The following GABRA5 variants were observed in gnomAD, a reference collection of about 807,000 sequenced individuals.
The protein encoded by GABRA5 is gamma-aminobutyric acid type A receptor subunit alpha5.
In GABRA5, 18 loss-of-function variants were observed where a neutral mutation model predicts 47.3. The observed-to-expected ratio is 0.38, with a 90% CI of 0.26 to 0.56. The LOEUF (loss-of-function observed/expected upper bound fraction) is 0.56, where lower values mean the gene tolerates loss of function less well. Among genes scored for constraint, GABRA5 ranks in the 20% least tolerant of loss-of-function variants. The pLI, the probability that GABRA5 is intolerant of heterozygous loss-of-function variation, is 0.71. For synonymous variants in GABRA5, 237 were observed against 229.3 expected, an observed-to-expected ratio of 1.03 and a Z score of -0.30; for missense variants, 365 against 599.3, an observed-to-expected ratio of 0.61 and a Z score of 4.08.
chr15:26,867,637 G>A lies in GABRA5; in HGVS notation c.-140+526G>A, dbSNP rs919997179. On this transcript the variant is annotated intron_variant, in intron 1 of 10. Transcript: ENST00000335625. This position sits in a 1 kb window ranked among gnomAD's most constrained non-coding sequence, Gnocchi z 5.9. ...TCCGGGCGGCTCATCCCTGCCGGAC[G>A]GGGCACCAGGGCGCGGTGACCGGTT... 6.6e-6 allele frequency among the ~76,000 whole-genome samples: 1 copy of A among 152,016 alleles called. No individual in the cohort carries two copies. Among genetic ancestry groups the A allele is most frequent in the Non-Finnish European group, 1.5e-5 (1 of 67,968 alleles).
chr15:26,928,083 G>A (rs1390729930), intron 7 of GABRA5, among the ~76,000 whole-genome samples: 1 of 152,152 alleles, frequency 6.6e-6, no homozygotes, highest in Non-Finnish European at 1.5e-5. Flanking sequence ...CATTTTATTT[G>A]TGGAGTGATT....
chr15:26,868,934 C>T (rs1045240905), intron 2 of GABRA5, 141 bp downstream of exon 2: 1 of 259,524 alleles, frequency 3.9e-6, no homozygotes, highest in South Asian at 9.9e-5. Context: ...TGGAAAACAA[C>T]GAATTAGGGT....
At chr15:26,868,373 C>T (rs763963533) in intron 1 of GABRA5, among the ~76,000 whole-genome samples, 1 of 149,332 alleles carries the variant, frequency 6.7e-6, no homozygotes, top group Non-Finnish European at 1.5e-5. Flanking sequence ...CCGGAGTTTG[C>T]GGGGGATGGG....
intron 7 of GABRA5, among the ~76,000 whole-genome samples, chr15:26,924,230 G>A (rs1045499840): frequency 2.0e-5 from 3 of 149,846 alleles, no homozygotes; most frequent in African/African-American, 4.9e-5. Context: ...CTGGGTCAGG[G>A]TAGAAATCAG....
chr15:26,880,793 A>G, intron 3 of GABRA5, 53 bp from the exon 4 acceptor site: 1 of 1,588,666 alleles, frequency 6.3e-7, no homozygotes, highest in South Asian at 1.1e-5. Flanking sequence ...CTTGAGAAGA[A>G]TTTGTAAGAA....
chr15:26,871,828 G>T (rs72712052), intron 3 of GABRA5, among the ~76,000 whole-genome samples: 4,781 of 152,318 alleles, frequency 0.031, 94 homozygotes, highest in Non-Finnish European at 0.046. Flanking sequence ...TGTTTACGTA[G>T]TGAATGATTT....
chr15:26,911,028 G>A (rs550382232), intron 6 of GABRA5, among the ~76,000 whole-genome samples: 5 of 152,232 alleles, frequency 3.3e-5, no homozygotes, highest in Non-Finnish European at 7.4e-5. Flanking sequence ...GGCCATTTTT[G>A]AAATGTTTAG....
intron 9 of GABRA5, among the ~76,000 whole-genome samples, 183 bp from the exon 10 acceptor site, chr15:26,943,032 C>T (rs921244326): frequency 2.6e-5 from 4 of 151,382 alleles, no homozygotes; most frequent in African/African-American, 7.2e-5. Flanking sequence ...TGCAGTGAGC[C>T]GAGATTGTGC....
chr15:26,870,815 G>A (rs1892448712), intron 3 of GABRA5, among the ~76,000 whole-genome samples: 1 of 152,198 alleles, frequency 6.6e-6, no homozygotes, highest in Non-Finnish European at 1.5e-5. Context: ...TAGGTAGTTG[G>A]TTTGTTTGAT....
chr15:26,932,706 A>G (rs986256360), intron 7 of GABRA5, among the ~76,000 whole-genome samples: 3 of 152,214 alleles, frequency 2.0e-5, no homozygotes, highest in Non-Finnish European at 4.4e-5. Flanking sequence ...AAGACATGGA[A>G]TCAACCCAAA....
chr15:26,900,416 G>C (rs1893298736), intron 6 of GABRA5, among the ~76,000 whole-genome samples: 2 of 152,036 alleles, frequency 1.3e-5, no homozygotes, highest in Non-Finnish European at 1.5e-5. Flanking sequence ...TGCTGTTCTT[G>C]ATATGGTTTT....
intron 9 of GABRA5, 65 bp from the exon 10 acceptor site, chr15:26,943,150 G>T: frequency 8.6e-7 from 1 of 1,157,044 alleles, no homozygotes; most frequent in Admixed American, 2.2e-5. Context: ...TGTTGTACTG[G>T]GGTCCTGGGT....
chr15:26,891,643 C>T (rs866054281), intron 6 of GABRA5, among the ~76,000 whole-genome samples: 10 of 152,208 alleles, frequency 6.6e-5, no homozygotes, highest in Non-Finnish European at 1.3e-4. Context: ...AGACAAAGTG[C>T]TTCATGTCTG....
At chr15:26,942,331 A>G (rs1041396855) in intron 9 of GABRA5, among the ~76,000 whole-genome samples, 1 of 152,132 alleles carries the variant, frequency 6.6e-6, no homozygotes, top group East Asian at 1.9e-4. Context: ...GGTCACTGCA[A>G]AGTTTTCCTA....
At chr15:26,911,067 GA>G (rs1456842848) in intron 6 of GABRA5, among the ~76,000 whole-genome samples, 1 of 152,108 alleles carries the variant, frequency 6.6e-6, no homozygotes, top group Non-Finnish European at 1.5e-5. Flanking sequence ...TTTATTTCCT[GA>G]CTGAGGCTGA....
intron 7 of GABRA5, among the ~76,000 whole-genome samples, chr15:26,922,789 C>T (rs1008820794): frequency 6.6e-6 from 1 of 152,144 alleles, no homozygotes; most frequent in African/African-American, 2.4e-5. Context: ...GAGACAAGGT[C>T]TTGCTTTGTT....
intron 3 of GABRA5, chr15:26,880,551 G>T: frequency 4.1e-6 from 1 of 242,010 alleles, no homozygotes; most frequent in Non-Finnish European, 8.1e-6. Context: ...TGGCTAATTG[G>T]TTGTTAAAAA....
At chr15:26,880,644 A>T (rs991957276) in intron 3 of GABRA5, 2 of 466,250 alleles carry the variant, frequency 4.3e-6, no homozygotes, top group Non-Finnish European at 7.6e-6. Context: ...TTGGATAACT[A>T]GCCCCAAGCA....
intron 9 of GABRA5, among the ~76,000 whole-genome samples, chr15:26,940,771 C>T (rs1461755574): frequency 6.6e-6 from 1 of 152,174 alleles, no homozygotes; most frequent in Non-Finnish European, 1.5e-5. Context: ...CATTTTACAT[C>T]CCTAAGACAT....
Sources: allele counts gnomAD v4.1 joint callset (sites outside exome capture counted in the v4.1 genomes callset), GRCh38; gene constraint gnomAD v4.1.1; non-coding constraint Gnocchi (gnomAD v3.1); transcripts MANE v1.5; gene names NCBI Gene and HGNC (gene_info 2026-07-23, HGNC 2026-07-21).